LRIG3: variants seen among roughly 807,000 people sequenced by gnomAD.
The protein encoded by LRIG3 is leucine-rich repeats and immunoglobulin-like domains protein 3.
LRIG3 carries 76 observed loss-of-function variants against 114.5 expected under a neutral mutation model. That is an observed-to-expected ratio of 0.66 (90% confidence interval 0.55 to 0.80). The LOEUF (loss-of-function observed/expected upper bound fraction) is 0.80, where lower values mean the gene tolerates loss of function less well. Ranked by LOEUF, LRIG3 falls within the 30% of genes least tolerant of loss-of-function variation. The pLI is 0.00. For missense variants in LRIG3, 1,239 were observed against 1,382.8 expected, an observed-to-expected ratio of 0.90 and a Z score of 1.65; for synonymous variants, 512 against 519.8, an observed-to-expected ratio of 0.98 and a Z score of 0.20.
Position 58,872,704 on chromosome 12 carries a change from G to A in LRIG3, c.3228C>T (p.Asp1076=). 6.2e-7 allele frequency: 1 copy of A among 1,614,094 alleles called. No individual in the cohort carries two copies. The highest frequency in any genetic ancestry group is 2.2e-5 in the East Asian group (1 of 44,860). ...CATCTTCCTCTGACCCAGAGTCCAA[G>A]TCTGGGGAAGAATGAGCTTTCAAAT... The part of the protein sequence containing the change: ...AFYLKAHSSP[D]LDSGSEEDGK... Residue 1076 remains aspartate, a synonymous_variant, in exon 19 of 19, where the codon GAC becomes GAT. Coordinates refer to ENST00000320743, the MANE Select transcript of LRIG3 (RefSeq NM_153377.5).
intron 1 of LRIG3, chr12:58,919,609 C>G (rs774488264): frequency 1.3e-6 from 2 of 1,508,942 alleles, no homozygotes; most frequent in African/African-American, 2.8e-5. Flanking sequence ...AGACTCATAA[C>G]TCAGCGAGAA....
intron 1 of LRIG3, 21 bp downstream of exon 1, chr12:58,919,979 C>G: frequency 1.3e-6 from 2 of 1,548,504 alleles, no homozygotes; most frequent in Non-Finnish European, 1.7e-6. Context: ...GGCCCCCTCC[C>G]CCCGCGGGAA....
intron 14 of LRIG3, 100 bp from the exon 15 acceptor site, chr12:58,877,952 T>G (rs1870985736): frequency 3.3e-6 from 4 of 1,204,952 alleles, no homozygotes; most frequent in Non-Finnish European, 4.5e-6. Context: ...CCTAAAATTT[T>G]ATTCTCCCAC....
chr12:58,881,082 TA>T (rs754606588), intron 12 of LRIG3, among the ~76,000 whole-genome samples, 181 bp from the exon 13 acceptor site: 5 of 152,224 alleles, frequency 3.3e-5, no homozygotes, highest in Non-Finnish European at 7.3e-5. Flanking sequence ...ATTTATAAAG[TA>T]ACTCATTCAT....
chr12:58,919,654 T>A, intron 1 of LRIG3: 1 of 1,349,126 alleles, frequency 7.4e-7, no homozygotes, highest in Admixed American at 2.5e-5. Context: ...TTGCCGCTTA[T>A]CTCCCCTGGG....
intron 1 of LRIG3, chr12:58,919,661 T>C: frequency 1.5e-6 from 2 of 1,299,204 alleles, no homozygotes; most frequent in Admixed American, 5.3e-5. Context: ...TTATCTCCCC[T>C]GGGCCTGGCA....
intron 1 of LRIG3, 36 bp downstream of exon 1, chr12:58,919,964 G>C: frequency 6.5e-7 from 1 of 1,536,138 alleles, no homozygotes; most frequent in Non-Finnish European, 8.8e-7. Flanking sequence ...ATCTCCAGCG[G>C]CCCGGGCCCC....
chr12:58,885,443 T>G (rs1261707019), intron 10 of LRIG3, among the ~76,000 whole-genome samples: 1 of 152,142 alleles, frequency 6.6e-6, no homozygotes, highest in Non-Finnish European at 1.5e-5. Context: ...AGCTATTGAA[T>G]TGTATTCTGA....
Position 58,874,336 on chromosome 12 carries a change from T to A in LRIG3, c.2840-6A>T, listed in dbSNP as rs151124358. Reference sequence around the variant, plus strand: ...TCTTGGGTCAGGACTGCAACCTTTTTAATATGGGGGCAGTAACAGAAGGAG... The same window carrying A: ...TCTTGGGTCAGGACTGCAACCTTTTAAATATGGGGGCAGTAACAGAAGGAG... On this transcript the variant is annotated splice_region_variant and splice_polypyrimidine_tract_variant and intron_variant, in intron 17 of 18. Coordinates refer to ENST00000320743, the MANE Select transcript of LRIG3 (RefSeq NM_153377.5). 1.3e-4 allele frequency: 216 copies of A among 1,606,756 alleles called. 4 individuals are homozygous for A. In the African/African-American group the frequency reaches 2.4e-3, roughly 18 times the overall value.
At chr12:58,886,070 C>T (rs1020795602) in intron 9 of LRIG3, among the ~76,000 whole-genome samples, 168 bp from the exon 10 acceptor site, 15 of 152,068 alleles carry the variant, frequency 9.9e-5, no homozygotes, top group African/African-American at 3.6e-4. Flanking sequence ...ATAATGTAGT[C>T]GAACATGGTT....
At chr12:58,878,473 A>G (rs1453902161) in intron 14 of LRIG3, among the ~76,000 whole-genome samples, 1 of 151,042 alleles carries the variant, frequency 6.6e-6, no homozygotes, top group Non-Finnish European at 1.5e-5. Context: ...TTGTTCCCAC[A>G]TTTTTTTTTA....
chr12:58,882,525 GAAGA>G (rs942191312), intron 12 of LRIG3, among the ~76,000 whole-genome samples: 104 of 152,290 alleles, frequency 6.8e-4, no homozygotes, highest in African/African-American at 2.1e-3. Flanking sequence ...GTTGGGAAGA[GAAGA>G]AAGGAGAGTC....
chr12:58,878,512 T>C (rs112220473), intron 14 of LRIG3, among the ~76,000 whole-genome samples: 1 of 152,254 alleles, frequency 6.6e-6, no homozygotes, highest in African/African-American at 2.4e-5. Flanking sequence ...AGACTACTGA[T>C]ATAGACAGCA....
intron 18 of LRIG3, 28 bp downstream of exon 18, chr12:58,874,027 G>C (rs369420311): frequency 6.2e-7 from 1 of 1,611,934 alleles, no homozygotes; most frequent in African/African-American, 1.3e-5. Context: ...ATCCTCAGAC[G>C]AGGTACCTGA....
Position 58,877,728 on chromosome 12 carries a change from T to A in LRIG3, c.2208A>T (p.Pro736=), listed in dbSNP as rs371195904. The change falls in exon 15 of 19, where the codon CCA becomes CCT. Residue 736 remains proline (P), a synonymous_variant. Coordinates refer to ENST00000320743, the MANE Select transcript of LRIG3 (RefSeq NM_153377.5). The part of the protein sequence containing the change: ...PKLNWTKDDS[P]LVVTERHFFA... ...AAAAGTGCCTCTCGGTTACCACCAATGGGCTATCATCTTTGGTCCAGTTCA... is the reference window on the plus strand; with the variant it reads ...AAAAGTGCCTCTCGGTTACCACCAAAGGGCTATCATCTTTGGTCCAGTTCA... 23 of 1,614,100 alleles carry A rather than the reference T, an allele frequency of 1.4e-5. No individual in the cohort carries two copies. Among genetic ancestry groups the A allele is most frequent in the Non-Finnish European group, 1.9e-5 (22 of 1,180,040 alleles).
At chr12:58,900,242 T>C (rs1871795039) in intron 3 of LRIG3, among the ~76,000 whole-genome samples, 1 of 152,098 alleles carries the variant, frequency 6.6e-6, no homozygotes, top group South Asian at 2.1e-4. Context: ...CTCCCATCTT[T>C]ATAGGTTCTA....
In LRIG3 at chr12:58,914,050, C is replaced by T. The variant is rs759566298; in HGVS notation, c.315G>A (p.Leu105=). Residue 105 remains leucine, a synonymous_variant, in exon 3 of 19, where the codon CTG becomes CTA. Transcript: ENST00000320743. ...SHLQSLREVK[L]NNNELETIPN... The stretch of plus-strand genomic sequence containing the variant: ...GAATGGTCTCCAATTCATTGTTGTT[C>T]AGTTTCCTACAAATGCCAAAAAAAA... The T allele has an allele frequency of 1.4e-5, 23 of 1,600,588 alleles. No homozygotes were observed. The East Asian group carries it at 4.5e-4, about 31-fold the overall frequency.
intron 10 of LRIG3, among the ~76,000 whole-genome samples, chr12:58,885,403 G>A (rs1255481503): frequency 6.6e-6 from 1 of 152,022 alleles, no homozygotes; most frequent in African/African-American, 2.4e-5. Flanking sequence ...TAAACTCTTA[G>A]AACCTCCGCT....
At chr12:58,913,914 G>C in intron 3 of LRIG3, 68 bp downstream of exon 3, 1 of 1,323,332 alleles carries the variant, frequency 7.6e-7, no homozygotes, top group Non-Finnish European at 1.1e-6. Flanking sequence ...CTCTATGCTA[G>C]TCCCTATGGA....
Sources: allele counts gnomAD v4.1 joint callset (sites outside exome capture counted in the v4.1 genomes callset), GRCh38; gene constraint gnomAD v4.1.1; transcripts MANE v1.5; gene names NCBI Gene and HGNC (gene_info 2026-07-23, HGNC 2026-07-21).